CEP152: variants seen among roughly 807,000 people sequenced by gnomAD.
CEP152 encodes centrosomal protein 152, also known as centrosomal protein of 152 kDa.
A neutral mutation model predicts 188.9 loss-of-function variants in CEP152; 132 were observed. The ratio of observed to expected loss-of-function variants is 0.70; its 90% CI spans 0.61 to 0.81. The LOEUF (loss-of-function observed/expected upper bound fraction) is 0.81. CEP152 is among the 30% of genes least tolerant of loss of function. The pLI is 0.00. For missense variants in CEP152, 1,914 were observed against 1,969.8 expected, an observed-to-expected ratio of 0.97 and a Z score of 0.54; for synonymous variants, 649 against 666.6, an observed-to-expected ratio of 0.97 and a Z score of 0.41.
At chr15:48,741,377 G>A (rs956412275) in intron 26 of CEP152, 103 of 1,359,842 alleles carry the variant, frequency 7.6e-5, no homozygotes, top group Non-Finnish European at 8.9e-5. Flanking sequence ...CTATCATTTC[G>A]AGGGATGGAA....
rs369867192 is a variant in CEP152, at chr15:48,748,566, A to G, written c.3511T>C (p.Cys1171Arg). ...TTTGCCTTTTCAAGTTCTTGGAAGC[A>G]GTGTCCACAGCATAAATCCTTAATT... ...LEIKDLCCGHCFQELEKAKQE... is the reference protein window; with the variant it reads ...LEIKDLCCGHRFQELEKAKQE... The change falls in exon 22 of 27, where the codon TGC becomes CGC. Residue 1171 changes from cysteine (C) to arginine (R), a missense_variant. Cys to Arg is a radical substitution (Grantham distance 180). Transcript: ENST00000380950. 4 of 1,533,278 alleles carry G rather than the reference A, an allele frequency of 2.6e-6. No individual in the cohort carries two copies. Among genetic ancestry groups the G allele is most frequent in the East Asian group, 2.4e-5 (1 of 40,824 alleles). 95.0% of individuals were successfully genotyped at this position (1,533,278 alleles called of 1,614,324 possible).
At chr15:48,763,404 T>G (rs544760513) in intron 17 of CEP152, among the ~76,000 whole-genome samples, 1 of 152,368 alleles carries the variant, frequency 6.6e-6, no homozygotes, top group East Asian at 1.9e-4. Flanking sequence ...CCAGGTGCAG[T>G]GGCTCATGCC....
chr15:48,786,026 A>C (rs80183458), intron 9 of CEP152, among the ~76,000 whole-genome samples: 3,803 of 152,170 alleles, frequency 0.025, 70 homozygotes, highest in Middle Eastern at 0.041. Context: ...TGGACCACAC[A>C]CAGAGAAGTC....
intron 25 of CEP152, 33 bp from the exon 26 acceptor site, chr15:48,741,737 T>G: frequency 1.2e-6 from 2 of 1,613,434 alleles, no homozygotes; most frequent in Non-Finnish European, 1.7e-6. Context: ...AAAAATATAG[T>G]TTAAAGGAAA....
chr15:48,763,932 A>T (rs1894877452), intron 17 of CEP152, among the ~76,000 whole-genome samples: 1 of 152,212 alleles, frequency 6.6e-6, no homozygotes, highest in Non-Finnish European at 1.5e-5. Flanking sequence ...ATCATTCCAC[A>T]ATATGAAATC....
chr15:48,730,375 G>A (rs368770789), intron 2 of CEP152, among the ~76,000 whole-genome samples: 1 of 152,224 alleles, frequency 6.6e-6, no homozygotes, highest in African/African-American at 2.4e-5. Flanking sequence ...TTTGGGGCAA[G>A]AGATGGGCAG....
chr15:48,787,163 G>GTTTTTTT lies in CEP152; in HGVS notation c.1173+1631_1173+1637dup, dbSNP rs747436177. Reference sequence around the variant, plus strand: ...TTTTCAATAATTTGGTATAGCCTTCGTTTTTTTTTTTTTTTTTTTCTGGAA... The same window carrying GTTTTTTT: ...TTTTCAATAATTTGGTATAGCCTTCGTTTTTTTTTTTTTTTTTTTTTTTTTTCTGGAA... On this transcript the variant is annotated intron_variant, in intron 9 of 26. Coordinates refer to ENST00000380950, the MANE Select transcript of CEP152 (RefSeq NM_001194998.2). 1.2e-3 allele frequency among the ~76,000 whole-genome samples: 126 copies of GTTTTTTT among 101,518 alleles called. 26 individuals carry two copies. Among genetic ancestry groups the GTTTTTTT allele is most frequent in the South Asian group, 3.2e-3 (9 of 2,834 alleles). 66.6% of individuals were successfully genotyped at this position (101,518 alleles called of 152,430 possible).
downstream of CEP152, among the ~76,000 whole-genome samples, chr15:48,736,740 C>G (rs1892618063): frequency 6.6e-6 from 1 of 152,094 alleles, no homozygotes; most frequent in African/African-American, 2.4e-5. Context: ...CTAAAAGGAG[C>G]AGAAAGCAAG....
At position 48,738,946 on chromosome 15, in the gene CEP152, T is replaced by C. The variant is rs1360944130; in HGVS notation, c.4436A>G (p.Lys1479Arg). 6.2e-7 allele frequency: 1 copy of C among 1,613,992 alleles called. No individual in the cohort carries two copies. The highest frequency in any genetic ancestry group is 1.1e-5 in the South Asian group (1 of 91,070). Residue 1479 changes from lysine (K) to arginine (R), a missense_variant, in exon 27 of 27, where the codon AAA (lysine) becomes AGA (arginine). Coordinates refer to ENST00000380950, the MANE Select transcript of CEP152 (RefSeq NM_001194998.2). ...AGAACCATTATCACTGAGTAGGTCT[T>C]TCTTCTTGTGCAAACCAAAGCCTCC... ...GEGGFGLHKK[K>R]DLLSDNGSES...
In CEP152 at chr15:48,782,012, C is replaced by T. The variant is rs754330264; in HGVS notation, c.1413+127G>A. 12 of 789,766 alleles carry T rather than the reference C, an allele frequency of 1.5e-5. 1 individual carries two copies. Among genetic ancestry groups the T allele is most frequent in the Non-Finnish European group, 2.6e-5 (12 of 467,706 alleles). The allele number at this position is 789,766 out of a possible 1,614,324, so 48.9% of individuals were successfully genotyped here. On this transcript the variant is annotated intron_variant, in intron 11 of 26. Coordinates refer to ENST00000380950, the MANE Select transcript of CEP152 (RefSeq NM_001194998.2). ...TGTGTGAAGGAGATGGTGAACAACT[C>T]CCATGGGCTGGTTTGAAGGTGGTCC...
chr15:48,786,233 A>C (rs1236840202), intron 9 of CEP152, among the ~76,000 whole-genome samples: 2 of 152,184 alleles, frequency 1.3e-5, no homozygotes, highest in African/African-American at 4.8e-5. Context: ...CACTTCCATG[A>C]ATGGGAGGAG....
rs367864430 is a variant in CEP152 at position 48,786,960 on chromosome 15, C to T, written c.1173+1841G>A. Among the ~76,000 whole-genome samples the T allele has an allele frequency of 5.9e-5, 9 of 151,882 alleles. 1 individual carries two copies. The highest frequency in any genetic ancestry group is 2.0e-4 in the Admixed American group (3 of 15,250). Reference sequence around the variant, plus strand: ...CAACAGAGAATGGAGACCCCCAACCCAATAAGGAAAAGCCACCAGGATCCA... The same window carrying T: ...CAACAGAGAATGGAGACCCCCAACCTAATAAGGAAAAGCCACCAGGATCCA... On this transcript the variant is annotated intron_variant, in intron 9 of 26. Transcript: ENST00000380950.
At chr15:48,757,392 T>C (rs190306251) in intron 19 of CEP152, among the ~76,000 whole-genome samples, 1 of 152,354 alleles carries the variant, frequency 6.6e-6, no homozygotes. Context: ...CCATTTAAAG[T>C]ACTTAGCCCA....
intron 9 of CEP152, among the ~76,000 whole-genome samples, chr15:48,785,378 G>A (rs1006061686): frequency 6.6e-6 from 1 of 152,114 alleles, no homozygotes; most frequent in Non-Finnish European, 1.5e-5. Flanking sequence ...ATTCAGCACT[G>A]CAAACCTCCT....
chr15:48,796,022 C>T lies in CEP152; in HGVS notation c.679G>A (p.Gly227Arg). Residue 227 changes from glycine (G) to arginine (R), a missense_variant, in exon 6 of 27, where the codon GGA becomes AGA. Gly to Arg is a moderately radical substitution (Grantham distance 125). Transcript: ENST00000380950. The stretch of plus-strand genomic sequence containing the variant: ...ACTTGATACCTACTCTCATTAGCTC[C>T]TAAAAATTGTTGTTGCAGGCCTTCG... ...TFEGLQQQFL[G>R]ANENSAENMQ... 5 of 1,613,774 alleles carry T rather than the reference C, an allele frequency of 3.1e-6. No homozygotes were observed. Among genetic ancestry groups the T allele is most frequent in the Non-Finnish European group, 3.4e-6 (4 of 1,179,800 alleles).
chr15:48,805,808 T>C (rs1897950484), intron 1 of CEP152, among the ~76,000 whole-genome samples, 152 bp from the exon 2 acceptor site: 1 of 152,114 alleles, frequency 6.6e-6, no homozygotes, highest in African/African-American at 2.4e-5. Flanking sequence ...ATAAAAATAA[T>C]GGTGATTCAC....
At position 48,805,661 on chromosome 15, in the gene CEP152, G is replaced by T. The variant is rs781143408; in HGVS notation, c.-7-5C>A. Reference sequence around the variant, plus strand: ...AAGTCTAATGACATGGTCCTCCTGTGGGAAGGGAAAGATGTTTGGTTTCTG... The same window carrying T: ...AAGTCTAATGACATGGTCCTCCTGTTGGAAGGGAAAGATGTTTGGTTTCTG... On this transcript the variant is annotated splice_region_variant and splice_polypyrimidine_tract_variant and intron_variant, in intron 1 of 26. Transcript: ENST00000380950. 1.2e-6 allele frequency: 2 copies of T among 1,612,914 alleles called. No homozygotes were observed. The highest frequency in any genetic ancestry group is 8.5e-7 in the Non-Finnish European group (1 of 1,179,590).
chr15:48,774,836 C>A (rs989009123), intron 12 of CEP152, among the ~76,000 whole-genome samples: 2 of 151,834 alleles, frequency 1.3e-5, no homozygotes, highest in African/African-American at 4.8e-5. Flanking sequence ...CTGGAACTGT[C>A]ACTAAAAGAG....
At chr15:48,736,392 TATAAA>T (rs558389763), downstream of CEP152, among the ~76,000 whole-genome samples, 186 of 152,138 alleles carry the variant, frequency 1.2e-3, no homozygotes, top group Non-Finnish European at 2.1e-3. Flanking sequence ...TTTAACAAAG[TATAAA>T]ATAAAATAAA....
Sources: allele counts gnomAD v4.1 joint callset (sites outside exome capture counted in the v4.1 genomes callset), GRCh38; gene constraint gnomAD v4.1.1; transcripts MANE v1.5; gene names NCBI Gene and HGNC (gene_info 2026-07-23, HGNC 2026-07-21).